DHRS7: variants seen among roughly 807,000 people sequenced by gnomAD.
DHRS7 encodes dehydrogenase/reductase SDR family member 7.
Under a neutral mutation model 38.9 loss-of-function variants are expected in DHRS7, and 34 were observed. The ratio of observed to expected loss-of-function variants is 0.87; its 90% CI spans 0.66 to 1.16. DHRS7 has a LOEUF of 1.16. DHRS7 is among the 50% of genes most tolerant of loss of function. DHRS7 has a pLI of 0.00. For synonymous variants in DHRS7, 158 were observed against 153.1 expected (o/e 1.03, Z -0.24); for missense variants, 421 against 407.0 (o/e 1.03, Z -0.30).
At chr14:60,158,941 G>A (rs1896709823) in intron 1 of DHRS7, 1 of 261,696 alleles carries the variant, frequency 3.8e-6, no homozygotes, top group African/African-American at 2.3e-5. Context: ...CTTGTGGTTT[G>A]ACAAAGAAGA....
rs1305404955 is a variant in DHRS7 at position 60,150,240 on chromosome 14, ATC to A, written c.634-55_634-54del. ...AAAAGGCAAATAAATACAGACACAT[ATC>A]TCATGATTTATCAAAATATGTTCTA... On this transcript the variant is annotated intron_variant, in intron 4 of 6. Transcript: ENST00000557185. 3.5e-6 allele frequency: 5 copies of A among 1,433,354 alleles called. No individual in the cohort carries two copies. The African/African-American group carries it at 7.3e-5, about 21-fold the overall frequency. The allele number at this position is 1,433,354 out of a possible 1,614,324, so 88.8% of individuals were successfully genotyped here. A position where few individuals can be genotyped will look rare whatever the true frequency, so the allele number is the denominator to read the frequency against.
intron 4 of DHRS7, among the ~76,000 whole-genome samples, chr14:60,151,360 A>C (rs935619260): frequency 1.3e-5 from 2 of 152,174 alleles, no homozygotes; most frequent in Non-Finnish European, 2.9e-5. Context: ...CCAAGACTAC[A>C]TTGTTATAAG....
chr14:60,154,781 G>C (rs1278292735), intron 2 of DHRS7, among the ~76,000 whole-genome samples: 1 of 152,190 alleles, frequency 6.6e-6, no homozygotes, highest in Admixed American at 6.5e-5. Flanking sequence ...CTACAGATCT[G>C]CAAGATAAAA....
At chr14:60,166,705 C>T (rs146335641), upstream of DHRS7, among the ~76,000 whole-genome samples, 234 of 152,272 alleles carry the variant, frequency 1.5e-3, 1 homozygote, top group African/African-American at 5.4e-3. Flanking sequence ...GTCATCTTTC[C>T]CTAATCTCAC....
rs1896592214 is a variant in DHRS7 at position 60,153,505 on chromosome 14, A to C, written c.394-327T>G. Among the ~76,000 whole-genome samples the C allele has an allele frequency of 6.6e-6, 1 of 152,008 alleles. No homozygotes were observed. Among genetic ancestry groups the C allele is most frequent in the African/African-American group, 2.4e-5 (1 of 41,390 alleles). Reference sequence around the variant, plus strand: ...AGGTCAGGAGTTCAAGACCAGCCTGACCAACATGGTGAAACCCCATCTCTA... The same window carrying C: ...AGGTCAGGAGTTCAAGACCAGCCTGCCCAACATGGTGAAACCCCATCTCTA... On this transcript the variant is annotated intron_variant, in intron 3 of 6. Coordinates refer to ENST00000557185, the MANE Select transcript of DHRS7 (RefSeq NM_016029.4). The surrounding 1 kb of genome is among the most constrained non-coding windows in gnomAD (Gnocchi z 4.4).
Position 60,150,204 on chromosome 14 carries a change from A to T in DHRS7, c.634-17T>A. 1 of 1,513,980 alleles carries T rather than the reference A, an allele frequency of 6.6e-7. No individual in the cohort carries two copies. Among genetic ancestry groups the T allele is most frequent in the Non-Finnish European group, 8.8e-7 (1 of 1,136,400 alleles). 93.8% of individuals were successfully genotyped at this position (1,513,980 alleles called of 1,614,324 possible). The stretch of plus-strand genomic sequence containing the variant: ...AAAAAAACCCTAACAGACAAAAAAA[A>T]AAAAAAAGGAAAAAGGCAAATAAAT... On this transcript the variant is annotated splice_polypyrimidine_tract_variant and intron_variant, in intron 4 of 6. Coordinates refer to ENST00000557185, the MANE Select transcript of DHRS7 (RefSeq NM_016029.4).
At chr14:60,149,100 G>C (rs776917842) in intron 6 of DHRS7, 1 of 452,314 alleles carries the variant, frequency 2.2e-6, no homozygotes, top group Non-Finnish European at 4.0e-6. Flanking sequence ...AGCCTCCCGA[G>C]TAGCTGGGAT....
Position 60,153,862 on chromosome 14 carries a change from C to T in DHRS7, c.393+97G>A. ...GGGCCCGATCTCACTGCATGGACCC[C>T]ACTTGCCTAAAGCCCTTTGTATGAC... On this transcript the variant is annotated intron_variant, in intron 3 of 6. Coordinates refer to ENST00000557185, the MANE Select transcript of DHRS7 (RefSeq NM_016029.4). This position sits in a 1 kb window ranked among gnomAD's most constrained non-coding sequence, Gnocchi z 4.4. 9.7e-7 allele frequency: 1 copy of T among 1,033,142 alleles called. No homozygotes were observed. The highest frequency in any genetic ancestry group is 1.5e-6 in the Non-Finnish European group (1 of 666,240). 64.0% of individuals were successfully genotyped at this position (1,033,142 alleles called of 1,614,324 possible).
At chr14:60,158,709 G>C (rs1896706439) in intron 1 of DHRS7, among the ~76,000 whole-genome samples, 1 of 152,146 alleles carries the variant, frequency 6.6e-6, no homozygotes, top group Admixed American at 6.5e-5. Context: ...AGATTCTTAA[G>C]AGTTGAAAGG....
In DHRS7 at chr14:60,157,399, T is replaced by C. The variant is rs149036315; in HGVS notation, c.134-1247A>G. Among the ~76,000 whole-genome samples the C allele has an allele frequency of 3.9e-5, 6 of 152,304 alleles. No homozygotes were observed. In the East Asian group the frequency reaches 1.2e-3, roughly 29 times the overall value. ...AATAAACGTCAATTATAATTATTGCTCAAGTTTTTTAACAGATGGACTTTA... is the reference window on the plus strand; with the variant it reads ...AATAAACGTCAATTATAATTATTGCCCAAGTTTTTTAACAGATGGACTTTA... On this transcript the variant is annotated intron_variant, in intron 1 of 6. Transcript: ENST00000557185.
rs1042817136 is a variant in DHRS7, at chr14:60,148,673, T to A, written c.972+680A>T. Among the ~76,000 whole-genome samples the A allele has an allele frequency of 6.6e-6, 1 of 152,062 alleles. No homozygotes were observed. Among genetic ancestry groups the A allele is most frequent in the Non-Finnish European group, 1.5e-5 (1 of 67,998 alleles). The stretch of plus-strand genomic sequence containing the variant: ...AGCATAGGGGCTGAGGTGCACTTGG[T>A]CCTGGGGAGAAGTGGGAGGGAAGGC... On this transcript the variant is annotated intron_variant, in intron 6 of 6. Transcript: ENST00000557185. This position sits in a 1 kb window ranked among gnomAD's most constrained non-coding sequence, Gnocchi z 4.8.
chr14:60,155,938 T>C (rs1896649000), intron 2 of DHRS7, 62 bp downstream of exon 2: 1 of 1,368,348 alleles, frequency 7.3e-7, no homozygotes, highest in African/African-American at 1.5e-5. Flanking sequence ...GTCCCAAAAC[T>C]GTATTTGAGT....
intron 1 of DHRS7, among the ~76,000 whole-genome samples, chr14:60,158,505 C>T (rs764673192): frequency 1.3e-5 from 2 of 151,764 alleles, no homozygotes; most frequent in South Asian, 2.1e-4. Flanking sequence ...TAACTAGTGT[C>T]GAGCTAACAA....
chr14:60,144,875 T>C lies in DHRS7; in HGVS notation c.*91A>G, dbSNP rs774650418. 1 of 1,075,088 alleles carries C rather than the reference T, an allele frequency of 9.3e-7. No individual in the cohort carries two copies. The highest frequency in any genetic ancestry group is 1.4e-5 in the South Asian group (1 of 73,262). 66.6% of individuals were successfully genotyped at this position (1,075,088 alleles called of 1,614,324 possible). ...TCTATTAAAAAGTAAAATCACAAATTAGTCTTTGATTATTCAGAAGCATAA... is the reference window on the plus strand; with the variant it reads ...TCTATTAAAAAGTAAAATCACAAATCAGTCTTTGATTATTCAGAAGCATAA... On this transcript the variant is annotated 3_prime_UTR_variant, in exon 7 of 7. Transcript: ENST00000557185.
At chr14:60,159,184 A>G (rs1896714649) in intron 1 of DHRS7, 1 of 360,876 alleles carries the variant, frequency 2.8e-6, no homozygotes, top group Non-Finnish European at 5.6e-6. Flanking sequence ...ATACACTTCA[A>G]GATCTCCCTG....
chr14:60,152,584 A>G (rs1336748947), intron 4 of DHRS7: 3 of 218,498 alleles, frequency 1.4e-5, no homozygotes, highest in Admixed American at 5.2e-5. Flanking sequence ...TGGACCCCCA[A>G]TTTTCCATGA....
At position 60,146,483 on chromosome 14, in the gene DHRS7, CA is replaced by C. The variant is rs1008777728; in HGVS notation, c.973-1471del. On this transcript the variant is annotated intron_variant, in intron 6 of 6. Coordinates refer to ENST00000557185, the MANE Select transcript of DHRS7 (RefSeq NM_016029.4). The surrounding 1 kb of genome is among the most constrained non-coding windows in gnomAD (Gnocchi z 4.9). ...CATTATGGAAAATACGGAAATTCCT[CA>C]AAAAATTAAAAATAGAATTACCATC... 2.0e-5 allele frequency: 3 copies of C among 151,946 alleles called. No individual in the cohort carries two copies. The highest frequency in any genetic ancestry group is 4.2e-4 in the South Asian group (2 of 4,816). The allele number at this position is 151,946 out of a possible 1,614,324, so 9.4% of individuals were successfully genotyped here.
At chr14:60,168,289 C>T (rs1054879003), upstream of DHRS7, among the ~76,000 whole-genome samples, 1 of 152,160 alleles carries the variant, frequency 6.6e-6, no homozygotes, top group Non-Finnish European at 1.5e-5. Flanking sequence ...GTTTATAGCT[C>T]TCATTCTCTC....
intron 4 of DHRS7, among the ~76,000 whole-genome samples, chr14:60,152,356 TTTC>T (rs1224025936): frequency 1.3e-5 from 2 of 152,218 alleles, no homozygotes; most frequent in African/African-American, 4.8e-5. Context: ...TTGACTAGAT[TTTC>T]TTCTTCCAAT....
Sources: gnomAD v4.1 joint callset for allele counts (sites outside exome capture counted in the v4.1 genomes callset) on GRCh38, gnomAD v4.1.1 for gene constraint, Gnocchi (gnomAD v3.1) non-coding constraint, MANE v1.5 for transcripts, NCBI Gene and HGNC (gene_info 2026-07-23, HGNC 2026-07-21) for gene names.